The following CSMD3 variants were observed in gnomAD, a reference collection of about 807,000 sequenced individuals.
The protein encoded by CSMD3 is CUB and sushi domain-containing protein 3.
A neutral mutation model predicts 435.2 loss-of-function variants in CSMD3; 177 were observed. The ratio of observed to expected loss-of-function variants is 0.41; its 90% CI spans 0.36 to 0.46. CSMD3 has a LOEUF of 0.46. CSMD3 is among the 20% of genes least tolerant of loss of function. CSMD3 has a pLI of 0.34. For synonymous variants in CSMD3, 1,656 were observed against 1,520.5 expected, an observed-to-expected ratio of 1.09 and a Z score of -2.07; for missense variants, 4,265 against 4,504.6, an observed-to-expected ratio of 0.95 and a Z score of 1.52.
At chr8:112,519,493 C>T (rs1824054677) in intron 27 of CSMD3, among the ~76,000 whole-genome samples, 1 of 152,082 alleles carries the variant, frequency 6.6e-6, no homozygotes, top group South Asian at 2.1e-4. Context: ...TTTGGTTAGT[C>T]TAGGAATTAT....
At chr8:112,598,488 T>C (rs1414648713) in intron 22 of CSMD3, among the ~76,000 whole-genome samples, 2 of 146,668 alleles carry the variant, frequency 1.4e-5, no homozygotes, top group Non-Finnish European at 3.0e-5. Context: ...AAGCTACCAA[T>C]GACTTTCTTC....
intron 23 of CSMD3, among the ~76,000 whole-genome samples, chr8:112,581,770 T>C (rs1830353909): frequency 6.6e-6 from 1 of 152,022 alleles, no homozygotes. Context: ...TATGAATGCA[T>C]AATATTTCAG....
At chr8:113,433,423 A>G (rs2094687176) in intron 1 of CSMD3, among the ~76,000 whole-genome samples, 1 of 152,152 alleles carries the variant, frequency 6.6e-6, no homozygotes, top group Admixed American at 6.5e-5. Context: ...TGCCTCTGGC[A>G]GCTCTTCCCC....
intron 24 of CSMD3, among the ~76,000 whole-genome samples, chr8:112,565,751 T>A (rs1829009773): frequency 6.6e-6 from 1 of 152,094 alleles, no homozygotes; most frequent in African/African-American, 2.4e-5. Flanking sequence ...GTATAATCCA[T>A]CAATAAGTTG....
At chr8:112,684,371 C>T (rs2075967609) in intron 15 of CSMD3, among the ~76,000 whole-genome samples, 1 of 152,024 alleles carries the variant, frequency 6.6e-6, no homozygotes, top group Non-Finnish European at 1.5e-5. Flanking sequence ...ACAACAACTA[C>T]ACTTTGTCTG....
At chr8:112,671,846 T>C (rs528784607) in intron 16 of CSMD3, among the ~76,000 whole-genome samples, 38 of 152,104 alleles carry the variant, frequency 2.5e-4, no homozygotes, top group African/African-American at 8.7e-4. Flanking sequence ...AGTCAGGGGG[T>C]AGAATATTTA....
At chr8:113,174,684 T>G (rs557373775) in intron 3 of CSMD3, among the ~76,000 whole-genome samples, 1 of 152,080 alleles carries the variant, frequency 6.6e-6, no homozygotes, top group Non-Finnish European at 1.5e-5. Flanking sequence ...GAAAAAATTT[T>G]TTTGAAAATA....
intron 32 of CSMD3, among the ~76,000 whole-genome samples, chr8:112,445,719 T>C (rs1324637203): frequency 6.6e-6 from 1 of 152,052 alleles, no homozygotes; most frequent in Non-Finnish European, 1.5e-5. Flanking sequence ...CACAGAGAAA[T>C]ACACTGAGTC....
rs1461405856 is a variant in CSMD3 at position 112,341,596 on chromosome 8, A to G, written c.6533T>C (p.Ile2178Thr). 1.9e-6 allele frequency: 3 copies of G among 1,612,968 alleles called. No individual in the cohort carries two copies. In the East Asian group the frequency reaches 6.7e-5, roughly 36 times the overall value. The change falls in exon 42 of 71, where the codon ATT becomes ACT. Residue 2178 changes from isoleucine (I) to threonine (T), a missense_variant. Around this residue, in one of 3 missense-constraint regions of CSMD3, gnomAD observed 3,255 missense variants for 3,380.2 expected, o/e 0.96. Transcript: ENST00000297405. The part of the protein sequence containing the change: ...RSGSSETSTV[I>T]GRLSGPQIPS... Reference sequence around the variant, plus strand: ...TATTTGAGGACCACTAAGCCGGCCAATAACAGTACTAGTTTCTGAGGATCC... The same window carrying G: ...TATTTGAGGACCACTAAGCCGGCCAGTAACAGTACTAGTTTCTGAGGATCC...
intron 13 of CSMD3, among the ~76,000 whole-genome samples, chr8:112,694,893 C>T (rs552496890): frequency 3.5e-4 from 53 of 152,150 alleles, no homozygotes; most frequent in Non-Finnish European, 5.4e-4. Context: ...AAGCAGAAGA[C>T]GGGTGATTTC....
At chr8:113,256,604 G>T (rs2093382675) in intron 3 of CSMD3, among the ~76,000 whole-genome samples, 1 of 152,178 alleles carries the variant, frequency 6.6e-6, no homozygotes, top group Non-Finnish European at 1.5e-5. Context: ...GCTGATGAGT[G>T]GAGTGCAGAA....
chr8:112,692,528 T>G (rs1462745131), intron 13 of CSMD3, among the ~76,000 whole-genome samples: 1 of 152,196 alleles, frequency 6.6e-6, no homozygotes, highest in Non-Finnish European at 1.5e-5. Context: ...TTGAAATTAT[T>G]TATGCCTTCA....
intron 32 of CSMD3, among the ~76,000 whole-genome samples, chr8:112,452,838 T>C (rs1816438636): frequency 6.6e-6 from 1 of 152,174 alleles, no homozygotes; most frequent in Non-Finnish European, 1.5e-5. Context: ...TCCTGAAATA[T>C]TTTGTAGAAT....
In CSMD3 at chr8:112,556,914, T is replaced by C. The variant is rs1828171429; in HGVS notation, c.4083A>G (p.Gln1361=). Reference sequence around the variant, plus strand: ...CTTGGTCACTGATCTTGTATCCAAATTGTGGAATGCCAGGATCTTCACAGT... The same window carrying C: ...CTTGGTCACTGATCTTGTATCCAAACTGTGGAATGCCAGGATCTTCACAGT... ...LSHCEDPGIP[Q]FGYKISDQGH... The change falls in exon 25 of 71, where the codon CAA becomes CAG. Residue 1361 remains glutamine, a synonymous_variant. Coordinates refer to ENST00000297405, the MANE Select transcript of CSMD3 (RefSeq NM_198123.2). The C allele has an allele frequency of 1.2e-6, 2 of 1,612,330 alleles. No individual in the cohort carries two copies. The highest frequency in any genetic ancestry group is 1.7e-6 in the Non-Finnish European group (2 of 1,178,948).
intron 3 of CSMD3, among the ~76,000 whole-genome samples, chr8:113,232,504 G>C (rs554363012): frequency 6.6e-6 from 1 of 151,756 alleles, no homozygotes; most frequent in South Asian, 2.1e-4. Context: ...TTGTTAATAA[G>C]TTCCATGTGA....
intron 7 of CSMD3, among the ~76,000 whole-genome samples, chr8:112,967,784 C>A (rs1356920704): frequency 1.3e-5 from 2 of 150,608 alleles, no homozygotes; most frequent in Admixed American, 6.6e-5. Context: ...ATACTGTATA[C>A]CCAGCAACTG....
At chr8:112,650,992 T>G (rs974503000) in intron 18 of CSMD3, among the ~76,000 whole-genome samples, 1 of 152,192 alleles carries the variant, frequency 6.6e-6, no homozygotes, top group Admixed American at 6.5e-5. Context: ...ACTTCTGTGT[T>G]GTGGGTGTCC....
At chr8:113,181,927 A>G (rs1458467310) in intron 3 of CSMD3, among the ~76,000 whole-genome samples, 1 of 152,068 alleles carries the variant, frequency 6.6e-6, no homozygotes, top group Admixed American at 6.6e-5. Flanking sequence ...GATAAAGGTA[A>G]TTTAATTCTT....
chr8:113,142,014 C>A (rs1363888749), intron 4 of CSMD3, among the ~76,000 whole-genome samples: 1 of 150,898 alleles, frequency 6.6e-6, no homozygotes, highest in Non-Finnish European at 1.5e-5. Context: ...AAATACACTA[C>A]CATTTGAAAT....
Sources: gnomAD v4.1 joint callset for allele counts (sites outside exome capture counted in the v4.1 genomes callset) on GRCh38, gnomAD v4.1.1 for gene constraint, gnomAD v4.1.1 regional missense constraint, MANE v1.5 for transcripts, NCBI Gene and HGNC (gene_info 2026-07-23, HGNC 2026-07-21) for gene names.